The following NUP210L variants were observed in gnomAD, a reference collection of about 807,000 sequenced individuals.
The protein encoded by NUP210L is nucleoporin 210 like, also known as nuclear pore membrane glycoprotein 210-like.
A neutral mutation model predicts 208.5 loss-of-function variants in NUP210L; 74 were observed. The ratio of observed to expected loss-of-function variants is 0.35; its 90% CI spans 0.29 to 0.43. NUP210L has a LOEUF of 0.43. Ranked by LOEUF, NUP210L falls within the 20% of genes least tolerant of loss-of-function variation. The probability of loss-of-function intolerance (pLI) is 1.00; values close to 1 mark genes in which losing one functional copy is unlikely to be tolerated. For synonymous variants in NUP210L, 780 were observed against 816.9 expected (o/e 0.95, Z 0.77); for missense variants, 1,843 against 2,289.4 (o/e 0.81, Z 3.98).
chr1:154,129,249 C>A, intron 8 of NUP210L, 28 bp downstream of exon 8: 1 of 1,407,448 alleles, frequency 7.1e-7, no homozygotes. Context: ...AAGCTATCCA[C>A]CTTTCTGAAA....
intron 34 of NUP210L, among the ~76,000 whole-genome samples, chr1:154,010,843 C>T (rs1440015205): frequency 6.6e-6 from 1 of 151,904 alleles, no homozygotes; most frequent in Non-Finnish European, 1.5e-5. Flanking sequence ...GCACTCCAGC[C>T]TTGGCAACAA....
At chr1:154,055,124 T>TTTC (rs1653752031) in intron 23 of NUP210L, among the ~76,000 whole-genome samples, 1 of 12,666 alleles carries the variant, frequency 7.9e-5, no homozygotes, top group Admixed American at 9.1e-4. Flanking sequence ...CTTTCTTTCT[T>TTTC]TTCTTTCTTT....
chr1:154,135,783 A>C, intron 7 of NUP210L, 31 bp downstream of exon 7: 1 of 1,590,078 alleles, frequency 6.3e-7, no homozygotes, highest in Non-Finnish European at 8.6e-7. Context: ...GGAAGTGTAG[A>C]CTGGCAGCTA....
intron 2 of NUP210L, among the ~76,000 whole-genome samples, chr1:154,151,668 T>TTTA (rs1416745311): frequency 2.0e-5 from 3 of 152,168 alleles, no homozygotes; most frequent in Non-Finnish European, 4.4e-5. Flanking sequence ...TTTTAATTTA[T>TTTA]TTATTATTAT....
At chr1:154,010,895 A>G (rs1650870713) in intron 34 of NUP210L, among the ~76,000 whole-genome samples, 1 of 151,976 alleles carries the variant, frequency 6.6e-6, no homozygotes, top group Non-Finnish European at 1.5e-5. Flanking sequence ...ATAAATAAAT[A>G]AATAAAAATA....
intron 27 of NUP210L, among the ~76,000 whole-genome samples, chr1:154,033,005 AAAAG>A (rs1202039388): frequency 3.1e-4 from 46 of 147,480 alleles, no homozygotes; most frequent in Middle Eastern, 6.9e-3. Flanking sequence ...AAGAAAGAAA[AAAAG>A]AAAGAAAGAA....
intron 25 of NUP210L, among the ~76,000 whole-genome samples, chr1:154,053,120 C>T (rs1653618346): frequency 1.3e-5 from 2 of 152,206 alleles, no homozygotes; most frequent in African/African-American, 4.8e-5. Context: ...ACTCTGCAAA[C>T]TTGTCTTTGG....
In NUP210L at chr1:154,043,776, G is replaced by A. The variant is rs561576048; in HGVS notation, c.3696+2293C>T. On this transcript the variant is annotated intron_variant, in intron 27 of 39. Transcript: ENST00000368559. ...CAAGTAGCTGGGATTACAGGTTTGTGCCACCACACCCAGCTAAATTTTGTA... is the reference window on the plus strand; with the variant it reads ...CAAGTAGCTGGGATTACAGGTTTGTACCACCACACCCAGCTAAATTTTGTA... 6.6e-5 allele frequency among the ~76,000 whole-genome samples: 10 copies of A among 151,458 alleles called. No homozygotes were observed. In the South Asian group the frequency reaches 2.1e-3, roughly 32 times the overall value.
intron 16 of NUP210L, among the ~76,000 whole-genome samples, chr1:154,080,999 AAAAAG>A (rs909133568): frequency 2.0e-5 from 3 of 151,836 alleles, no homozygotes; most frequent in Non-Finnish European, 2.9e-5. Context: ...GAAAAGAAAA[AAAAAG>A]AAAAGAAAAA....
chr1:154,139,851 C>T (rs1433264510), exon 5 of NUP210L: 1 of 1,613,910 alleles, frequency 6.2e-7, no homozygotes, highest in East Asian at 2.2e-5. Context: ...AGCACCAGTT[C>T]TAATCCCAGA....
intron 27 of NUP210L, among the ~76,000 whole-genome samples, chr1:154,045,370 A>G (rs1653116525): frequency 6.6e-6 from 1 of 152,202 alleles, no homozygotes; most frequent in Non-Finnish European, 1.5e-5. Context: ...TGAACATGAT[A>G]AAAAATAAAA....
chr1:154,007,366 G>T (rs1650625407), intron 35 of NUP210L, among the ~76,000 whole-genome samples: 1 of 151,156 alleles, frequency 6.6e-6, no homozygotes, highest in Non-Finnish European at 1.5e-5. Flanking sequence ...GGGTTCAAGT[G>T]ATTCTCCTGC....
chr1:154,032,441 T>A (rs994853662), intron 27 of NUP210L, among the ~76,000 whole-genome samples: 4 of 152,162 alleles, frequency 2.6e-5, no homozygotes, highest in African/African-American at 9.7e-5. Flanking sequence ...TTTGCATTTC[T>A]CTGATGATCA....
chr1:154,093,394 C>T (rs1050400271), intron 15 of NUP210L, among the ~76,000 whole-genome samples: 19 of 152,026 alleles, frequency 1.2e-4, no homozygotes, highest in South Asian at 2.1e-4. Flanking sequence ...TGCCATTGCA[C>T]TCCCACCTGG....
intron 23 of NUP210L, 138 bp from the exon 24 acceptor site, chr1:154,054,970 A>T (rs1653735678): frequency 1.6e-6 from 1 of 639,914 alleles, no homozygotes; most frequent in Non-Finnish European, 2.8e-6. Context: ...GCACGATCAC[A>T]GCTCACTGCA....
At chr1:154,034,796 T>A (rs928051302) in intron 27 of NUP210L, among the ~76,000 whole-genome samples, 4 of 152,054 alleles carry the variant, frequency 2.6e-5, no homozygotes, top group Non-Finnish European at 5.9e-5. Context: ...GCCTTAATGA[T>A]CCTTTGAATT....
intron 27 of NUP210L, among the ~76,000 whole-genome samples, chr1:154,036,282 T>A (rs966880554): frequency 3.3e-5 from 5 of 149,788 alleles, no homozygotes; most frequent in South Asian, 4.2e-4. Context: ...AATTAAAAAA[T>A]TTATTTATTT....
At position 154,054,905 on chromosome 1, in the gene NUP210L, A is replaced by T. The variant is rs544305705; in HGVS notation, c.3241-73T>A. 7.7e-4 allele frequency: 655 copies of T among 855,376 alleles called. 3 individuals are homozygous for T. The African/African-American group carries it at 9.8e-3, about 13-fold the overall frequency. 53.0% of individuals were successfully genotyped at this position (855,376 alleles called of 1,614,324 possible). ...TTTATAACATATCATGGTCATTTAA[A>T]TTTTTTTTTTTTTTAGACAGAGTCT... On this transcript the variant is annotated intron_variant, in intron 23 of 39. Transcript: ENST00000368559.
intron 14 of NUP210L, among the ~76,000 whole-genome samples, chr1:154,098,129 T>C (rs1309893340): frequency 6.6e-6 from 1 of 152,216 alleles, no homozygotes; most frequent in Non-Finnish European, 1.5e-5. Flanking sequence ...GGTGCCAGCA[T>C]GGGCACTGGC....
Sources: gnomAD v4.1 joint callset for allele counts (sites outside exome capture counted in the v4.1 genomes callset) on GRCh38, gnomAD v4.1.1 for gene constraint, MANE v1.5 for transcripts, NCBI Gene and HGNC (gene_info 2026-07-23, HGNC 2026-07-21) for gene names.